Variants in SYNE2 observed in about 807,000 individuals in gnomAD.
SYNE2 encodes the protein spectrin repeat containing nuclear envelope protein 2, also known as nesprin-2.
Under a neutral mutation model 856.3 loss-of-function variants are expected in SYNE2, and 431 were observed. That is an observed-to-expected ratio of 0.50 (90% confidence interval 0.47 to 0.55). The LOEUF is 0.55. Among genes scored for constraint, SYNE2 ranks in the 20% least tolerant of loss-of-function variants. The pLI is 0.00. For synonymous variants in SYNE2, 2,923 were observed against 2,872.3 expected (o/e 1.02, Z -0.56); for missense variants, 8,129 against 8,023.2 (o/e 1.01, Z -0.50).
At chr14:63,795,997 TA>T (rs1451516019) in intron 1 of SYNE2, among the ~76,000 whole-genome samples, 1 of 152,206 alleles carries the variant, frequency 6.6e-6, no homozygotes, top group Non-Finnish European at 1.5e-5. Flanking sequence ...GGATTAACCA[TA>T]AATGAGTACA....
chr14:64,024,702 A>T (rs2096964172), intron 39 of SYNE2, among the ~76,000 whole-genome samples: 1 of 152,180 alleles, frequency 6.6e-6, no homozygotes, highest in Admixed American at 6.5e-5. Flanking sequence ...GTTCTCTATG[A>T]GACATTTGTG....
intron 99 of SYNE2, among the ~76,000 whole-genome samples, chr14:64,199,878 T>C (rs56067354): frequency 0.01 from 1,580 of 152,286 alleles, 16 homozygotes; most frequent in Non-Finnish European, 0.017. Flanking sequence ...GGGATGACAG[T>C]AGACAGTCTC....
At position 64,024,414 on chromosome 14, in the gene SYNE2, A is replaced by C; in HGVS notation, c.5795A>C (p.Gln1932Pro). 12 of 1,614,162 alleles carry C rather than the reference A, an allele frequency of 7.4e-6. No homozygotes were observed. The highest frequency in any genetic ancestry group is 1.0e-5 in the Non-Finnish European group (12 of 1,179,994). Residue 1932 changes from glutamine to proline, a missense_variant, in exon 39 of 116, where the codon CAG becomes CCG. Physicochemically the swap from Gln to Pro is moderately conservative, Grantham distance 76. This residue lies in a region of SYNE2 where 2,422 missense variants were observed against 2,357.4 expected (regional missense o/e 1.03). Transcript: ENST00000555002. ...TTAGAAAAAATGGAGTCCATATGCCAGGCTCGAGCAAAGGAGCTTGAAGAC... is the reference window on the plus strand; with the variant it reads ...TTAGAAAAAATGGAGTCCATATGCCCGGCTCGAGCAAAGGAGCTTGAAGAC... ...FELEKMESIC[Q>P]ARAKELEDSL...
intron 82 of SYNE2, among the ~76,000 whole-genome samples, chr14:64,142,982 A>G (rs1555508190): frequency 6.6e-6 from 1 of 152,260 alleles, no homozygotes; most frequent in Non-Finnish European, 1.5e-5. Flanking sequence ...TGATGGAACT[A>G]GCTTCTGGTA....
At chr14:63,814,629 C>T (rs11629074) in intron 1 of SYNE2, among the ~76,000 whole-genome samples, 3 of 129,866 alleles carry the variant, frequency 2.3e-5, no homozygotes, top group African/African-American at 5.7e-5. Flanking sequence ...AATATATATC[C>T]TTATATATCC....
rs1249168635 is a variant in SYNE2, at chr14:63,990,987, G to A, written c.2518G>A (p.Val840Ile). Residue 840 changes from valine to isoleucine, a missense_variant, in exon 21 of 116, where the codon GTT becomes ATT. Val to Ile is a conservative substitution (Grantham distance 29). Coordinates refer to ENST00000555002, the MANE Select transcript of SYNE2 (RefSeq NM_182914.3). ...TGCAGCGTTGAAGAACTTAACTGAC[G>A]TTTCACCAGATTTGGACATCAGGCT... Reference protein sequence around the residue: ...LIAALKNLTDVSPDLDIRLKM... With the variant: ...LIAALKNLTDISPDLDIRLKM... 8 of 1,613,966 alleles carry A rather than the reference G, an allele frequency of 5.0e-6. No individual in the cohort carries two copies. Among genetic ancestry groups the A allele is most frequent in the Admixed American group, 1.7e-5 (1 of 59,998 alleles).
intron 38 of SYNE2, chr14:64,023,137 G>T: frequency 2.5e-6 from 1 of 397,812 alleles, no homozygotes; most frequent in Non-Finnish European, 4.6e-6. Flanking sequence ...AGTACCTGTA[G>T]TCCCAGGTGA....
chr14:64,129,825 G>A lies in SYNE2; in HGVS notation c.14063G>A (p.Arg4688Gln), dbSNP rs188252400. ...YTVELENAES[R>Q]VAKLRDEGER... ...GTGGAGCTGGAGAACGCCGAGAGCC[G>A]AGTGGCCAAACTAAGAGATGAAGGG... The change falls in exon 75 of 116, where the codon CGA (arginine) becomes CAA (glutamine). Residue 4688 changes from arginine (R) to glutamine (Q), a missense_variant. Transcript: ENST00000555002. The A allele has an allele frequency of 1.7e-5, 27 of 1,614,136 alleles. No individual in the cohort carries two copies. The highest frequency in any genetic ancestry group is 6.7e-5 in the East Asian group (3 of 44,892).
intron 1 of SYNE2, among the ~76,000 whole-genome samples, chr14:63,899,207 G>GT (rs35398211): frequency 0.06 from 8,695 of 146,122 alleles, 248 homozygotes; most frequent in Middle Eastern, 0.096. Context: ...TCATCCTTAA[G>GT]TTTTTTTTTT....
At chr14:64,184,125 A>C (rs1165941038) in intron 96 of SYNE2, among the ~76,000 whole-genome samples, 2 of 152,114 alleles carry the variant, frequency 1.3e-5, no homozygotes, top group African/African-American at 2.4e-5. Context: ...TTTTTCATTT[A>C]GTCTTTATGA....
In SYNE2 at chr14:64,215,339, T is replaced by C; in HGVS notation, c.19387T>C (p.Leu6463=). Reference sequence around the variant, plus strand: ...ATATCTTAAAATGACCACAAAAACTTTGAAAGCGTCTTCTGGTAGGCCCCC... The same window carrying C: ...ATATCTTAAAATGACCACAAAAACTCTGAAAGCGTCTTCTGGTAGGCCCCC... ...EAYLKMTTKT[L]KASSGKSISD... The change falls in exon 107 of 116, where the codon TTG becomes CTG. Residue 6463 remains leucine (L), a synonymous_variant. Coordinates refer to ENST00000555002, the MANE Select transcript of SYNE2 (RefSeq NM_182914.3). 6.2e-7 allele frequency: 1 copy of C among 1,614,128 alleles called. No homozygotes were observed. Among genetic ancestry groups the C allele is most frequent in the African/African-American group, 1.3e-5 (1 of 75,028 alleles).
In SYNE2 at chr14:64,078,455, C is replaced by A; in HGVS notation, c.11023-11C>A. On this transcript the variant is annotated splice_polypyrimidine_tract_variant and intron_variant, in intron 54 of 115. Coordinates refer to ENST00000555002, the MANE Select transcript of SYNE2 (RefSeq NM_182914.3). The stretch of plus-strand genomic sequence containing the variant: ...CTCTCTAAGCCAAATGCGTCTTTGT[C>A]TCTTTCACAGATTAGCAATGAAGTC... 6.2e-7 allele frequency: 1 copy of A among 1,613,668 alleles called. No individual in the cohort carries two copies. Among genetic ancestry groups the A allele is most frequent in the South Asian group, 1.1e-5 (1 of 91,002 alleles).
chr14:64,218,116 G>A (rs1015358011), intron 108 of SYNE2: 1 of 402,668 alleles, frequency 2.5e-6, no homozygotes, highest in African/African-American at 2.1e-5. Flanking sequence ...TTTGAGGGGT[G>A]TTTGGAAGCA....
Position 64,027,560 on chromosome 14 carries a change from C to T in SYNE2, c.6481C>T (p.Leu2161=), listed in dbSNP as rs10151127. Residue 2161 remains leucine (L), a synonymous_variant, in exon 43 of 116, where the codon CTA becomes TTA. Coordinates refer to ENST00000555002, the MANE Select transcript of SYNE2 (RefSeq NM_182914.3). The part of the protein sequence containing the change: ...KEDLRLMLIE[L]KKKQEAGFAL... ...GGATCTGAGATTAATGCTCATAGAA[C>T]TAAAGAAGAAACAGGAAGCAGGCTT... is the stretch of plus-strand genomic sequence containing the variant. The T allele has an allele frequency of 0.9, 1,447,885 of 1,612,324 alleles. 656,083 individuals carry two copies. The highest frequency in any genetic ancestry group is 0.93 in the Non-Finnish European group (1,094,389 of 1,178,942).
intron 2 of SYNE2, among the ~76,000 whole-genome samples, chr14:63,927,465 G>A (rs1312151130): frequency 2.6e-5 from 4 of 152,160 alleles, no homozygotes; most frequent in Non-Finnish European, 5.9e-5. Flanking sequence ...GGACCCAGTG[G>A]GAGATAATTG....
chr14:63,997,900 T>C (rs1230026244), intron 25 of SYNE2, among the ~76,000 whole-genome samples: 2 of 152,120 alleles, frequency 1.3e-5, no homozygotes, highest in Non-Finnish European at 2.9e-5. Flanking sequence ...TGAGATGAGG[T>C]GGATTTGTTT....
intron 1 of SYNE2, among the ~76,000 whole-genome samples, chr14:63,885,238 T>A (rs2094956055): frequency 1.3e-5 from 2 of 152,184 alleles, no homozygotes; most frequent in African/African-American, 4.8e-5. Context: ...ATGGGGTTAG[T>A]AGAGGCGATT....
chr14:63,970,448 T>C (rs2096459090), intron 11 of SYNE2, among the ~76,000 whole-genome samples: 1 of 152,184 alleles, frequency 6.6e-6, no homozygotes, highest in African/African-American at 2.4e-5. Flanking sequence ...ATTAGAATTT[T>C]GGGCCTCCCA....
intron 1 of SYNE2, among the ~76,000 whole-genome samples, chr14:63,843,323 G>C (rs1890130739): frequency 6.6e-6 from 1 of 152,118 alleles, no homozygotes; most frequent in Non-Finnish European, 1.5e-5. Flanking sequence ...TGGGATTACA[G>C]GTGTGATCCA....
Sources: gnomAD v4.1 joint callset for allele counts (sites outside exome capture counted in the v4.1 genomes callset) on GRCh38, gnomAD v4.1.1 for gene constraint, gnomAD v4.1.1 regional missense constraint, MANE v1.5 for transcripts, NCBI Gene and HGNC (gene_info 2026-07-23, HGNC 2026-07-21) for gene names.